PCDHGA3: variants seen among roughly 807,000 people sequenced by gnomAD.
The protein encoded by PCDHGA3 is protocadherin gamma-A3.
PCDHGA3 carries 40 observed loss-of-function variants against 58.5 expected under a neutral mutation model. The observed-to-expected ratio is 0.68, with a 90% confidence interval of 0.53 to 0.89. The LOEUF (loss-of-function observed/expected upper bound fraction) is 0.89, where lower values mean the gene tolerates loss of function less well. Ranked by LOEUF, PCDHGA3 falls within the 40% of genes least tolerant of loss-of-function variation. The pLI is 0.00. For synonymous variants in PCDHGA3, 530 were observed against 525.7 expected (o/e 1.01, Z -0.11); for missense variants, 1,223 against 1,195.9 (o/e 1.02, Z -0.33).
chr5:141,418,523 C>T (rs2096266495), intron 1 of PCDHGA3: 1 of 1,613,958 alleles, frequency 6.2e-7, no homozygotes, highest in Non-Finnish European at 8.5e-7. Context: ...GGACCCTCCC[C>T]GAAGCGGTAC....
Position 141,364,666 on chromosome 5 carries a change from C to A in PCDHGA3, c.2424+18209C>A, listed in dbSNP as rs1763468271. Reference sequence around the variant, plus strand: ...TGAACTTTAACATCTTGGTTGAGAACAAAATGAAAATTTATGGAGTAGAAG... The same window carrying A: ...TGAACTTTAACATCTTGGTTGAGAAAAAAATGAAAATTTATGGAGTAGAAG... On this transcript the variant is annotated intron_variant, in intron 1 of 3. Coordinates refer to ENST00000253812, the MANE Select transcript of PCDHGA3 (RefSeq NM_018916.4). The A allele has an allele frequency of 2.5e-6, 4 of 1,614,022 alleles. No homozygotes were observed. The East Asian group carries it at 6.7e-5, about 27-fold the overall frequency.
At position 141,490,475 on chromosome 5, in the gene PCDHGA3, T is replaced by C. The variant is rs769951029; in HGVS notation, c.2425-4332T>C. On this transcript the variant is annotated intron_variant, in intron 1 of 3. Coordinates refer to ENST00000253812, the MANE Select transcript of PCDHGA3 (RefSeq NM_018916.4). This position sits in a 1 kb window ranked among gnomAD's most constrained non-coding sequence, Gnocchi z 5.4. ...TACTCGCTGCTAACCAGCCAGCCTTTGGACCGGGAGGCCACATCCCACTAT... is the reference window on the plus strand; with the variant it reads ...TACTCGCTGCTAACCAGCCAGCCTTCGGACCGGGAGGCCACATCCCACTAT... The C allele has an allele frequency of 3.7e-6, 6 of 1,614,240 alleles. No individual in the cohort carries two copies. The highest frequency in any genetic ancestry group is 5.1e-6 in the Non-Finnish European group (6 of 1,180,038).
chr5:141,419,981 A>G (rs2096455772), intron 1 of PCDHGA3: 2 of 1,613,934 alleles, frequency 1.2e-6, no homozygotes, highest in East Asian at 2.2e-5. Flanking sequence ...CCTCGCGGTG[A>G]TTCTAGCTAT....
At chr5:141,450,982 A>G (rs746572732) in intron 1 of PCDHGA3, among the ~76,000 whole-genome samples, 18 of 151,360 alleles carry the variant, frequency 1.2e-4, no homozygotes, top group Non-Finnish European at 1.9e-4. Context: ...GTGCCACCAC[A>G]CCCGGCTAAT....
chr5:141,351,265 C>T (rs748596533), intron 1 of PCDHGA3: 4 of 1,613,896 alleles, frequency 2.5e-6, no homozygotes, highest in Admixed American at 1.7e-5. Flanking sequence ...AAATTGTTGA[C>T]GAGAATGACA....
intron 1 of PCDHGA3, among the ~76,000 whole-genome samples, chr5:141,405,886 CCAACACTGAAAGGAGG>C (rs1168478788): frequency 1.3e-5 from 2 of 152,086 alleles, no homozygotes; most frequent in African/African-American, 4.8e-5. Context: ...AATTGTTGCT[CCAACACTGAAAGGAGG>C]CATTTATTAG....
Position 141,421,822 on chromosome 5 carries a change from G to A in PCDHGA3, c.2425-72985G>A, listed in dbSNP as rs2096603648. On this transcript the variant is annotated intron_variant, in intron 1 of 3. Transcript: ENST00000253812. ...CAAGAATCCAGAGCTAGTACTGGAG[G>A]GAAGCCTGGACCGAGAGAAAGAGGC... 3.7e-6 allele frequency: 6 copies of A among 1,613,690 alleles called. No homozygotes were observed. The East Asian group carries it at 1.1e-4, about 30-fold the overall frequency.
Position 141,427,801 on chromosome 5 carries a change from G to T in PCDHGA3, c.2425-67006G>T, listed in dbSNP as rs755067099. On this transcript the variant is annotated intron_variant, in intron 1 of 3. Coordinates refer to ENST00000253812, the MANE Select transcript of PCDHGA3 (RefSeq NM_018916.4). ...GCACTGTCGTCCTACGTGTCCGTGA[G>T]CGCACAGAGCGGGGTGGTGGTCGCG... 6 of 1,510,138 alleles carry T rather than the reference G, an allele frequency of 4.0e-6. No homozygotes were observed. In the African/African-American group the frequency reaches 8.2e-5, roughly 21 times the overall value. 93.5% of individuals were successfully genotyped at this position (1,510,138 alleles called of 1,614,324 possible). A position where few individuals can be genotyped will look rare whatever the true frequency, so the allele number is the denominator to read the frequency against.
At position 141,485,291 on chromosome 5, in the gene PCDHGA3, C is replaced by A. The variant is rs114678203; in HGVS notation, c.2425-9516C>A. 436 of 1,614,150 alleles carry A rather than the reference C, an allele frequency of 2.7e-4. No homozygotes were observed. Among genetic ancestry groups the A allele is most frequent in the Middle Eastern group, 8.2e-4 (5 of 6,062 alleles). Reference sequence around the variant, plus strand: ...CCGCTACCCGGTCCCAGAGGAGTCACAGGAAGGGACTTTTGTAGGGAATGT... The same window carrying A: ...CCGCTACCCGGTCCCAGAGGAGTCAAAGGAAGGGACTTTTGTAGGGAATGT... On this transcript the variant is annotated intron_variant, in intron 1 of 3. Coordinates refer to ENST00000253812, the MANE Select transcript of PCDHGA3 (RefSeq NM_018916.4). The surrounding 1 kb of genome is among the most constrained non-coding windows in gnomAD (Gnocchi z 5.7).
At chr5:141,451,288 C>G (rs1308574266) in intron 1 of PCDHGA3, among the ~76,000 whole-genome samples, 3 of 152,200 alleles carry the variant, frequency 2.0e-5, no homozygotes, top group Non-Finnish European at 4.4e-5. Context: ...GCCTCTGCCT[C>G]AAAGTCTTAC....
chr5:141,509,421 A>T (rs939726886), intron 3 of PCDHGA3, among the ~76,000 whole-genome samples: 5 of 152,088 alleles, frequency 3.3e-5, no homozygotes, highest in Non-Finnish European at 1.5e-5. Context: ...AGCCCCAATG[A>T]GTCAAACTCT....
rs113107293 is a variant in PCDHGA3, at chr5:141,432,844, A to G, written c.2425-61963A>G. ...CAGACCTCACTCTGTACCTGGTGGTAGCGGTGGCCGCGGTCTCCTGCGTCT... is the reference window on the plus strand; with the variant it reads ...CAGACCTCACTCTGTACCTGGTGGTGGCGGTGGCCGCGGTCTCCTGCGTCT... On this transcript the variant is annotated intron_variant, in intron 1 of 3. Coordinates refer to ENST00000253812, the MANE Select transcript of PCDHGA3 (RefSeq NM_018916.4). This position sits in a 1 kb window ranked among gnomAD's most constrained non-coding sequence, Gnocchi z 6.0. 0.01 allele frequency: 16,860 copies of G among 1,614,178 alleles called. 121 individuals carry two copies. Among genetic ancestry groups the G allele is most frequent in the Non-Finnish European group, 0.012 (14,441 of 1,180,006 alleles).
intron 1 of PCDHGA3, chr5:141,419,370 A>G (rs1460064670): frequency 1.9e-6 from 3 of 1,613,574 alleles, no homozygotes; most frequent in African/African-American, 2.7e-5. Context: ...CTGTCGTCCT[A>G]CGTGTCCGTG....
rs1047637676 is a variant in PCDHGA3, at chr5:141,449,606, A to G, written c.2425-45201A>G. The stretch of plus-strand genomic sequence containing the variant: ...TCTGTCTCAAAAAAAAAAAAAAAAA[A>G]AGTAAAAAAGTTTTTTAAAAAGATG... On this transcript the variant is annotated intron_variant, in intron 1 of 3. Transcript: ENST00000253812. 3.9e-3 allele frequency among the ~76,000 whole-genome samples: 591 copies of G among 150,802 alleles called. 2 individuals carry two copies. The highest frequency in any genetic ancestry group is 0.01 in the Middle Eastern group (3 of 290).
intron 1 of PCDHGA3, chr5:141,361,139 T>G (rs1305491971): frequency 1.2e-6 from 2 of 1,613,878 alleles, no homozygotes; most frequent in Non-Finnish European, 1.7e-6. Context: ...AGTATCCAAG[T>G]TGAAATTCTT....
intron 1 of PCDHGA3, among the ~76,000 whole-genome samples, chr5:141,492,781 T>C (rs945023154): frequency 9.9e-5 from 15 of 152,194 alleles, no homozygotes; most frequent in African/African-American, 3.6e-4. Flanking sequence ...TGAGTGAGCC[T>C]CTATAGGACA....
intron 1 of PCDHGA3, chr5:141,396,614 C>G (rs904107360): frequency 1.3e-5 from 2 of 149,602 alleles, no homozygotes; most frequent in African/African-American, 4.9e-5. Flanking sequence ...GGTGAGACTC[C>G]GTCTCAAAAA....
intron 1 of PCDHGA3, among the ~76,000 whole-genome samples, chr5:141,397,322 AATT>A (rs1264296504): frequency 6.6e-6 from 1 of 152,188 alleles, no homozygotes; most frequent in Non-Finnish European, 1.5e-5. Flanking sequence ...AGTAAAGAAA[AATT>A]ATTTTTATAA....
At chr5:141,382,093 T>C (rs1420552886) in intron 1 of PCDHGA3, among the ~76,000 whole-genome samples, 1 of 152,090 alleles carries the variant, frequency 6.6e-6, no homozygotes, top group Non-Finnish European at 1.5e-5. Context: ...CCTCACAAAG[T>C]GTGGGATTAC....
Sources: gnomAD v4.1 joint callset for allele counts (sites outside exome capture counted in the v4.1 genomes callset) on GRCh38, gnomAD v4.1.1 for gene constraint, Gnocchi (gnomAD v3.1) non-coding constraint, MANE v1.5 for transcripts, NCBI Gene and HGNC (gene_info 2026-07-23, HGNC 2026-07-21) for gene names.